Variants in RBM20 observed in about 807,000 individuals in gnomAD.
RBM20 encodes the protein RNA binding motif protein 20.
RBM20 carries 51 observed loss-of-function variants against 110.1 expected under a neutral mutation model. The ratio of observed to expected loss-of-function variants is 0.46; its 90% CI spans 0.37 to 0.59. The LOEUF (loss-of-function observed/expected upper bound fraction) is 0.59, where lower values mean the gene tolerates loss of function less well. RBM20 is among the 20% of genes least tolerant of loss of function. The pLI is 0.00. For missense variants in RBM20, 1,512 were observed against 1,574.9 expected (o/e 0.96, Z 0.68); for synonymous variants, 589 against 618.2 (o/e 0.95, Z 0.70).
chr10:110,663,124 C>T (rs1862129737), intron 1 of RBM20, among the ~76,000 whole-genome samples: 1 of 152,122 alleles, frequency 6.6e-6, no homozygotes, highest in Non-Finnish European at 1.5e-5. Context: ...ACTGCCACAC[C>T]CAGCTAATTT....
chr10:110,644,676 G>T lies in RBM20; in HGVS notation c.191+31G>T. 7.0e-7 allele frequency: 1 copy of T among 1,428,686 alleles called. No individual in the cohort carries two copies. The highest frequency in any genetic ancestry group is 9.2e-7 in the Non-Finnish European group (1 of 1,086,578). 88.5% of individuals were successfully genotyped at this position (1,428,686 alleles called of 1,614,324 possible). On this transcript the variant is annotated intron_variant, in intron 1 of 13. Transcript: ENST00000369519. This position sits in a 1 kb window ranked among gnomAD's most constrained non-coding sequence, Gnocchi z 4.3. Reference sequence around the variant, plus strand: ...AAGGGAGAAGGGAACAGGGACCACGGGTGCGCCTGGGGACACGCCCCGAGA... The same window carrying T: ...AAGGGAGAAGGGAACAGGGACCACGTGTGCGCCTGGGGACACGCCCCGAGA...
At chr10:110,650,747 G>A (rs375050952) in intron 1 of RBM20, among the ~76,000 whole-genome samples, 128 of 152,116 alleles carry the variant, frequency 8.4e-4, no homozygotes, top group Middle Eastern at 3.2e-3. Flanking sequence ...ATACTTTTTG[G>A]TTTTGCAACT....
intron 5 of RBM20, among the ~76,000 whole-genome samples, 178 bp downstream of exon 5, chr10:110,785,067 A>G (rs1033816281): frequency 7.9e-5 from 12 of 152,192 alleles, no homozygotes; most frequent in Non-Finnish European, 1.6e-4. Context: ...AAGTGCTGGA[A>G]TTACAGGTGG....
In RBM20 at chr10:110,663,917, CATA is replaced by C. The variant is rs369448370; in HGVS notation, c.191+19277_191+19279del. 5.2e-3 allele frequency among the ~76,000 whole-genome samples: 797 copies of C among 152,206 alleles called. 2 individuals carry two copies. The highest frequency in any genetic ancestry group is 0.024 in the Middle Eastern group (7 of 294). On this transcript the variant is annotated intron_variant, in intron 1 of 13. Coordinates refer to ENST00000369519, the MANE Select transcript of RBM20 (RefSeq NM_001134363.3). ...ACACCCACATAAACATATGAGTATA[CATA>C]ATAAGAGCAATTATGTTGCAATCAT...
intron 1 of RBM20, among the ~76,000 whole-genome samples, chr10:110,674,304 T>G (rs1307710742): frequency 6.6e-6 from 1 of 152,230 alleles, no homozygotes. Flanking sequence ...TCACATATTC[T>G]GCACCTGGCT....
intron 9 of RBM20, among the ~76,000 whole-genome samples, chr10:110,813,354 A>T (rs1844799855): frequency 6.6e-6 from 1 of 152,208 alleles, no homozygotes; most frequent in Non-Finnish European, 1.5e-5. Context: ...GAGTGGCCTG[A>T]GGTGTTTGCA....
chr10:110,824,348 T>A (rs908625069), intron 12 of RBM20, among the ~76,000 whole-genome samples: 14 of 152,130 alleles, frequency 9.2e-5, no homozygotes, highest in African/African-American at 2.7e-4. Flanking sequence ...ATGCTACATA[T>A]TTTTTTCTCT....
At chr10:110,685,253 A>G (rs549092666) in intron 1 of RBM20, among the ~76,000 whole-genome samples, 1 of 152,288 alleles carries the variant, frequency 6.6e-6, no homozygotes, top group Non-Finnish European at 1.5e-5. Context: ...TTTATTCCAT[A>G]AGTGCTCAGC....
At chr10:110,671,353 T>C (rs944841395) in intron 1 of RBM20, among the ~76,000 whole-genome samples, 11 of 152,252 alleles carry the variant, frequency 7.2e-5, no homozygotes, top group African/African-American at 2.4e-4. Context: ...TTTTATTGCT[T>C]TTGATATATT....
chr10:110,654,969 G>A (rs1408645674), intron 1 of RBM20, among the ~76,000 whole-genome samples: 1 of 152,180 alleles, frequency 6.6e-6, no homozygotes, highest in Non-Finnish European at 1.5e-5. Context: ...GGTAAGTGTT[G>A]TTATTCTCCC....
chr10:110,679,970 A>C (rs2134856878), intron 1 of RBM20, among the ~76,000 whole-genome samples: 1 of 152,358 alleles, frequency 6.6e-6, no homozygotes, highest in South Asian at 2.1e-4. Context: ...CTGGACTGAC[A>C]CTGCCCCTTT....
chr10:110,812,263 T>C lies in RBM20; in HGVS notation c.1881-15T>C, dbSNP rs746029926. On this transcript the variant is annotated splice_polypyrimidine_tract_variant and intron_variant, in intron 8 of 13. Coordinates refer to ENST00000369519, the MANE Select transcript of RBM20 (RefSeq NM_001134363.3). ...GTGTGAAGATTCTAAATCCTGCTCC[T>C]TGGCTCCCTCACAGATATGGCCCAG... is the stretch of plus-strand genomic sequence containing the variant. The C allele has an allele frequency of 4.6e-6, 7 of 1,531,324 alleles. No individual in the cohort carries two copies. The African/African-American group carries it at 9.6e-5, about 21-fold the overall frequency. The allele number at this position is 1,531,324 out of a possible 1,614,324, so 94.9% of individuals were successfully genotyped here. A position where few individuals can be genotyped will look rare whatever the true frequency, so the allele number is the denominator to read the frequency against.
At chr10:110,819,894 A>C (rs1844886157) in intron 9 of RBM20, among the ~76,000 whole-genome samples, 178 bp from the exon 10 acceptor site, 1 of 152,196 alleles carries the variant, frequency 6.6e-6, no homozygotes, top group Admixed American at 6.5e-5. Flanking sequence ...TCAGTTTTCT[A>C]ATCTATAAAA....
At chr10:110,700,011 C>G (rs932375262) in intron 1 of RBM20, among the ~76,000 whole-genome samples, 1 of 152,182 alleles carries the variant, frequency 6.6e-6, no homozygotes, top group Non-Finnish European at 1.5e-5. Context: ...TGGCCCAAGA[C>G]TTCATCAGAC....
At chr10:110,718,453 T>C (rs1337465404) in intron 1 of RBM20, among the ~76,000 whole-genome samples, 1 of 152,104 alleles carries the variant, frequency 6.6e-6, no homozygotes, top group Non-Finnish European at 1.5e-5. Context: ...CTAGCCCTTT[T>C]TCTGGTATTT....
intron 5 of RBM20, among the ~76,000 whole-genome samples, chr10:110,790,182 A>G (rs1291235310): frequency 1.3e-5 from 2 of 152,248 alleles, no homozygotes; most frequent in African/African-American, 4.8e-5. Flanking sequence ...AACTCTGATT[A>G]CTGGCTGTTT....
At chr10:110,743,197 G>GA (rs535173878) in intron 1 of RBM20, among the ~76,000 whole-genome samples, 2 of 151,704 alleles carry the variant, frequency 1.3e-5, no homozygotes, top group South Asian at 2.1e-4. Flanking sequence ...ACCAACAATG[G>GA]AAAAAAAAGG....
At chr10:110,696,517 C>T (rs1862666458) in intron 1 of RBM20, among the ~76,000 whole-genome samples, 1 of 152,202 alleles carries the variant, frequency 6.6e-6, no homozygotes, top group Admixed American at 6.5e-5. Flanking sequence ...AGTCCTCATC[C>T]CCAGGACCTC....
chr10:110,716,040 G>A (rs1037001251), intron 1 of RBM20, among the ~76,000 whole-genome samples: 6 of 152,220 alleles, frequency 3.9e-5, no homozygotes, highest in African/African-American at 1.2e-4. Flanking sequence ...GTTGTCTCAG[G>A]AAGTATCACA....
Sources: allele counts gnomAD v4.1 joint callset (sites outside exome capture counted in the v4.1 genomes callset), GRCh38; gene constraint gnomAD v4.1.1; non-coding constraint Gnocchi (gnomAD v3.1); transcripts MANE v1.5; gene names NCBI Gene and HGNC (gene_info 2026-07-23, HGNC 2026-07-21).